The following AMMECR1 variants were observed in gnomAD, a reference collection of about 807,000 sequenced individuals.
AMMECR1 encodes the protein AMMECR nuclear protein 1, also known as nuclear protein AMMECR1.
In AMMECR1, 3 loss-of-function variants were observed where a neutral mutation model predicts 22.5. The observed-to-expected ratio is 0.13, with a 90% CI of 0.06 to 0.35. The LOEUF (loss-of-function observed/expected upper bound fraction) is 0.35. AMMECR1 is among the 10% of genes least tolerant of loss of function. The probability of loss-of-function intolerance (pLI) is 1.00; values close to 1 mark genes in which losing one functional copy is unlikely to be tolerated. For missense variants in AMMECR1, 235 were observed against 278.7 expected, an observed-to-expected ratio of 0.84 and a Z score of 1.12; for synonymous variants, 130 against 116.7, an observed-to-expected ratio of 1.11 and a Z score of -0.74.
intron 2 of AMMECR1, among the ~76,000 whole-genome samples, chrX:110,363,391 G>A (rs1455201329): frequency 2.7e-5 from 3 of 111,682 alleles, no homozygotes; most frequent in Non-Finnish European, 5.7e-5. Flanking sequence ...AAAAGAAATT[G>A]CCCACTGTAG....
intron 2 of AMMECR1, among the ~76,000 whole-genome samples, chrX:110,395,086 T>C (rs889100543): frequency 8.9e-6 from 1 of 112,381 alleles, no homozygotes; most frequent in East Asian, 2.8e-4. Flanking sequence ...TCATGGAAGG[T>C]GGGGAGTGTA....
chrX:110,399,353 TA>T (rs2068549189), intron 2 of AMMECR1, among the ~76,000 whole-genome samples: 2 of 112,305 alleles, frequency 1.8e-5, no homozygotes, highest in African/African-American at 6.5e-5. Context: ...AACTGGAATT[TA>T]AACCTACGCT....
At chrX:110,217,510 C>CAA (rs1556032725) in intron 2 of AMMECR1, among the ~76,000 whole-genome samples, 1 of 106,228 alleles carries the variant, frequency 9.4e-6, no homozygotes. Context: ...AATACACACA[C>CAA]ACACACACAC....
intron 2 of AMMECR1, among the ~76,000 whole-genome samples, chrX:110,413,487 T>G (rs1166117717): frequency 9.1e-6 from 1 of 109,901 alleles, no homozygotes; most frequent in African/African-American, 3.3e-5. Flanking sequence ...TCGTTGACGC[T>G]TCTTTATAAC....
chrX:110,372,583 G>A (rs1273061199), intron 2 of AMMECR1, among the ~76,000 whole-genome samples: 1 of 111,389 alleles, frequency 9.0e-6, no homozygotes, highest in Non-Finnish European at 1.9e-5. Flanking sequence ...TTTTATGGCT[G>A]CATTGTATTT....
At chrX:110,427,130 A>G (rs2068759919) in intron 1 of AMMECR1, among the ~76,000 whole-genome samples, 1 of 111,921 alleles carries the variant, frequency 8.9e-6, no homozygotes. Context: ...GCTTTAGTTC[A>G]GGACTCCTCC....
At chrX:110,282,738 TGA>T (rs1295510366) in intron 1 of AMMECR1, among the ~76,000 whole-genome samples, 3 of 111,749 alleles carry the variant, frequency 2.7e-5, no homozygotes, top group Non-Finnish European at 5.6e-5. Flanking sequence ...GGGTACACCA[TGA>T]GAGATTATGC....
chrX:110,328,525 G>T (rs1209534382), intron 2 of AMMECR1, among the ~76,000 whole-genome samples: 3 of 86,480 alleles, frequency 3.5e-5, no homozygotes, highest in Non-Finnish European at 6.4e-5. Flanking sequence ...ATGCAGGTTT[G>T]TAACATAGGT....
chrX:110,328,438 C>CT (rs772629664), intron 2 of AMMECR1, among the ~76,000 whole-genome samples: 13,032 of 73,890 alleles, frequency 0.18, 911 homozygotes, highest in Non-Finnish European at 0.21. Flanking sequence ...TTCTTTTTCT[C>CT]TTTTTTTTTT....
rs774206253 is a variant in AMMECR1, at chrX:110,324,533, C to T, written c.-147-6684G>A. ...GAGAGCAGACATCCCTATCTTATTC[C>T]AGATATAATGGGGAAAGCTTTCTGT... On this transcript the variant is annotated intron_variant, in intron 2 of 7. Coordinates refer to the AMMECR1 transcript ENST00000372057. 2.7e-5 allele frequency among the ~76,000 whole-genome samples: 3 copies of T among 110,637 alleles called. No individual in the cohort carries two copies. In the East Asian group the frequency reaches 8.5e-4, roughly 31 times the overall value.
intron 1 of AMMECR1, among the ~76,000 whole-genome samples, chrX:110,270,628 G>A (rs756340227): frequency 8.0e-5 from 9 of 112,247 alleles, no homozygotes; most frequent in African/African-American, 2.3e-4. Flanking sequence ...CCCAGTAGGG[G>A]AGAGAGAAAG....
chrX:110,313,723 T>C (rs1204040724), intron 1 of AMMECR1, among the ~76,000 whole-genome samples: 3 of 110,875 alleles, frequency 2.7e-5, no homozygotes, highest in African/African-American at 9.9e-5. Flanking sequence ...ATACCACAGG[T>C]TTCCAAGAGT....
intron 3 of AMMECR1, among the ~76,000 whole-genome samples, chrX:110,214,800 G>A (rs1298971152): frequency 9.0e-6 from 1 of 111,061 alleles, no homozygotes; most frequent in East Asian, 2.8e-4. Context: ...TTGTAGCTTG[G>A]TCATCCCCCT....
upstream of AMMECR1, chrX:110,318,165 C>T: frequency 1.2e-6 from 1 of 839,928 alleles, no homozygotes; most frequent in Non-Finnish European, 1.5e-6. Flanking sequence ...CCGCCGGGGG[C>T]GCGCCAGAGG....
chrX:110,263,984 C>T (rs1279773922), intron 2 of AMMECR1, among the ~76,000 whole-genome samples: 1 of 111,899 alleles, frequency 8.9e-6, no homozygotes, highest in Non-Finnish European at 1.9e-5. Context: ...AAGCAAGCTA[C>T]AATTAATTCT....
chrX:110,364,390 A>C (rs1231476330), intron 2 of AMMECR1, among the ~76,000 whole-genome samples: 1 of 111,015 alleles, frequency 9.0e-6, no homozygotes, highest in Non-Finnish European at 1.9e-5. Context: ...ACACAATTCA[A>C]CCCACTATGT....
At chrX:110,323,461 G>T (rs2068086506) in intron 2 of AMMECR1, among the ~76,000 whole-genome samples, 1 of 111,430 alleles carries the variant, frequency 9.0e-6, no homozygotes, top group African/African-American at 3.3e-5. Flanking sequence ...TGTCTCTATG[G>T]ATTTACCTAT....
intron 2 of AMMECR1, among the ~76,000 whole-genome samples, chrX:110,413,337 T>G (rs1407450001): frequency 9.0e-6 from 1 of 111,499 alleles, no homozygotes; most frequent in Non-Finnish European, 1.9e-5. Flanking sequence ...GTGGACACTG[T>G]CCACACTCCC....
chrX:110,336,991 G>C (rs2068144192), intron 2 of AMMECR1, among the ~76,000 whole-genome samples: 1 of 110,777 alleles, frequency 9.0e-6, no homozygotes, highest in African/African-American at 3.3e-5. Flanking sequence ...TCTTGCCTTT[G>C]AATTCCTTCC....
Sources: allele counts gnomAD v4.1 joint callset (sites outside exome capture counted in the v4.1 genomes callset), GRCh38; gene constraint gnomAD v4.1.1; transcripts MANE v1.5; gene names NCBI Gene and HGNC (gene_info 2026-07-23, HGNC 2026-07-21).